Variants in PCDHA12 observed in about 807,000 individuals in gnomAD.
The protein encoded by PCDHA12 is protocadherin alpha-12.
A neutral mutation model predicts 60.0 loss-of-function variants in PCDHA12; 44 were observed. That is an observed-to-expected ratio of 0.73 (90% CI 0.58 to 0.94). PCDHA12 has a LOEUF of 0.94. Among genes scored for constraint, PCDHA12 ranks in the 40% least tolerant of loss-of-function variants. The pLI is 0.00. For synonymous variants in PCDHA12, 569 were observed against 553.0 expected (o/e 1.03, Z -0.40); for missense variants, 1,276 against 1,239.7 (o/e 1.03, Z -0.44).
chr5:140,894,649 T>C (rs1270978331), intron 1 of PCDHA12, among the ~76,000 whole-genome samples: 3 of 152,024 alleles, frequency 2.0e-5, no homozygotes, highest in African/African-American at 7.2e-5. Context: ...ACTGAGTCTC[T>C]CTAATTCTGA....
intron 1 of PCDHA12, among the ~76,000 whole-genome samples, chr5:140,878,864 A>G (rs1465235970): frequency 1.3e-5 from 2 of 152,152 alleles, no homozygotes; most frequent in Non-Finnish European, 2.9e-5. Flanking sequence ...CTGATCCTCC[A>G]TTTCAGCCTT....
chr5:141,005,584 C>T (rs1307831783), intron 3 of PCDHA12, among the ~76,000 whole-genome samples: 2 of 151,062 alleles, frequency 1.3e-5, no homozygotes, highest in Non-Finnish European at 2.9e-5. Context: ...TGCCTGTAGT[C>T]CCAGCTACAC....
At chr5:140,918,941 T>C (rs1476342004) in intron 1 of PCDHA12, among the ~76,000 whole-genome samples, 1 of 152,228 alleles carries the variant, frequency 6.6e-6, no homozygotes, top group East Asian at 1.9e-4. Context: ...TTTGTTATAA[T>C]ATCCTGAACA....
chr5:140,961,970 G>A (rs1282918892), intron 1 of PCDHA12, among the ~76,000 whole-genome samples: 1 of 150,888 alleles, frequency 6.6e-6, no homozygotes, highest in Non-Finnish European at 1.5e-5. Flanking sequence ...TGCAACCTCC[G>A]CCTCCTGGGT....
chr5:140,916,084 C>T (rs1330761804), intron 1 of PCDHA12, among the ~76,000 whole-genome samples: 3 of 152,186 alleles, frequency 2.0e-5, no homozygotes, highest in Non-Finnish European at 4.4e-5. Flanking sequence ...TACCACTGGT[C>T]CACAGGGAAT....
At chr5:140,888,623 C>T (rs1456857060) in intron 1 of PCDHA12, among the ~76,000 whole-genome samples, 1 of 152,160 alleles carries the variant, frequency 6.6e-6, no homozygotes. Context: ...ACTAATTCGG[C>T]CTTCTATTAC....
chr5:140,891,241 G>A (rs2153433469), intron 1 of PCDHA12, among the ~76,000 whole-genome samples: 1 of 152,200 alleles, frequency 6.6e-6, no homozygotes, highest in Middle Eastern at 3.4e-3. Flanking sequence ...TCTGGATTCA[G>A]TAGGATTTTT....
At chr5:140,895,165 T>C (rs28385500) in intron 1 of PCDHA12, among the ~76,000 whole-genome samples, 2,119 of 152,268 alleles carry the variant, frequency 0.014, 42 homozygotes, top group African/African-American at 0.049. Context: ...CACAATCCAA[T>C]CTATTTGTAG....
intron 1 of PCDHA12, among the ~76,000 whole-genome samples, chr5:140,938,918 A>T (rs2092265154): frequency 6.6e-6 from 1 of 152,006 alleles, no homozygotes; most frequent in Non-Finnish European, 1.5e-5. Flanking sequence ...CACGCACAAG[A>T]AATTGGCTTT....
chr5:140,885,287 G>T (rs1224083539), intron 1 of PCDHA12, among the ~76,000 whole-genome samples: 1 of 152,050 alleles, frequency 6.6e-6, no homozygotes, highest in African/African-American at 2.4e-5. Context: ...TACATATATA[G>T]AGAGAGACCT....
rs544074425 is a variant in PCDHA12, at chr5:140,965,070, C to A, written c.2368-13879C>A. Among the ~76,000 whole-genome samples the A allele has an allele frequency of 1.2e-4, 19 of 152,306 alleles. 1 individual carries two copies. In the South Asian group the frequency reaches 3.9e-3, roughly 32 times the overall value. On this transcript the variant is annotated intron_variant, in intron 1 of 3. Coordinates refer to ENST00000398631, the MANE Select transcript of PCDHA12 (RefSeq NM_018903.4). ...GGGAAGCATGCCAAATGTCAGGTCT[C>A]ACTCTGACTTTGTTCCAGTCCATAG... is the stretch of plus-strand genomic sequence containing the variant.
intron 1 of PCDHA12, among the ~76,000 whole-genome samples, chr5:140,946,432 A>C (rs1254032204): frequency 6.6e-6 from 1 of 151,682 alleles, no homozygotes; most frequent in Admixed American, 6.6e-5. Context: ...GTTACTCAAA[A>C]ATTGAGACTA....
chr5:140,882,482 G>A, intron 1 of PCDHA12: 1 of 1,614,048 alleles, frequency 6.2e-7, no homozygotes, highest in South Asian at 1.1e-5. Context: ...CAAAAGACAC[G>A]GGGACCTTCT....
chr5:140,968,526 C>G, intron 1 of PCDHA12: 3 of 1,614,200 alleles, frequency 1.9e-6, no homozygotes, highest in Middle Eastern at 1.6e-4. Context: ...TCAACCAACT[C>G]GTCAGCAGCC....
chr5:140,943,491 G>A (rs1387185924), intron 1 of PCDHA12, among the ~76,000 whole-genome samples: 4 of 151,986 alleles, frequency 2.6e-5, no homozygotes, highest in Non-Finnish European at 5.9e-5. Context: ...ATAAATAGAT[G>A]CTATCAAGGT....
At chr5:140,972,296 T>C (rs1303430452) in intron 1 of PCDHA12, among the ~76,000 whole-genome samples, 2 of 151,468 alleles carry the variant, frequency 1.3e-5, no homozygotes, top group Non-Finnish European at 2.9e-5. Flanking sequence ...TGCGCCACCG[T>C]GTCTGACTAG....
chr5:141,000,647 C>G (rs1442819157), intron 3 of PCDHA12, among the ~76,000 whole-genome samples: 1 of 151,182 alleles, frequency 6.6e-6, no homozygotes, highest in Non-Finnish European at 1.5e-5. Context: ...AGGCTGGTCT[C>G]GAACTCCTGA....
intron 1 of PCDHA12, among the ~76,000 whole-genome samples, chr5:140,962,962 A>G (rs1273558602): frequency 1.3e-5 from 2 of 152,194 alleles, no homozygotes; most frequent in South Asian, 2.1e-4. Flanking sequence ...CTATCCCTAT[A>G]TAGGAAATTT....
intron 1 of PCDHA12, among the ~76,000 whole-genome samples, chr5:140,941,460 C>T (rs530075226): frequency 4.6e-4 from 69 of 151,184 alleles, no homozygotes; most frequent in African/African-American, 1.6e-3. Context: ...GGATTACAGG[C>T]GCCCACCACC....
Sources: gnomAD v4.1 joint callset for allele counts (sites outside exome capture counted in the v4.1 genomes callset) on GRCh38, gnomAD v4.1.1 for gene constraint, MANE v1.5 for transcripts, NCBI Gene and HGNC (gene_info 2026-07-23, HGNC 2026-07-21) for gene names.